CCSER1: variants seen among roughly 807,000 people sequenced by gnomAD.
CCSER1 encodes the protein serine-rich coiled-coil domain-containing protein 1.
A neutral mutation model predicts 82.0 loss-of-function variants in CCSER1; 41 were observed. That is an observed-to-expected ratio of 0.50 (90% CI 0.39 to 0.65). The LOEUF is 0.65. Among genes scored for constraint, CCSER1 ranks in the 30% least tolerant of loss-of-function variants. CCSER1 has a pLI of 0.00. For missense variants in CCSER1, 1,119 were observed against 1,064.2 expected (o/e 1.05, Z -0.72); for synonymous variants, 414 against 383.9 (o/e 1.08, Z -0.92).
intron 6 of CCSER1, among the ~76,000 whole-genome samples, chr4:90,675,363 GA>G (rs1479008025): frequency 6.6e-6 from 1 of 151,664 alleles, no homozygotes; most frequent in Admixed American, 6.6e-5. Context: ...AAGGATGCAA[GA>G]AAAAAATATT....
intron 8 of CCSER1, among the ~76,000 whole-genome samples, chr4:90,841,321 G>A (rs1156804723): frequency 6.6e-6 from 1 of 152,172 alleles, no homozygotes; most frequent in Non-Finnish European, 1.5e-5. Context: ...GCTCACGCCT[G>A]TCATCCCAGC....
intron 8 of CCSER1, among the ~76,000 whole-genome samples, chr4:90,901,205 A>G (rs1724604615): frequency 6.6e-6 from 1 of 151,870 alleles, no homozygotes; most frequent in Non-Finnish European, 1.5e-5. Flanking sequence ...ATGTCTCTTG[A>G]ACGCAGTAGA....
At chr4:90,943,960 G>T (rs112383991) in intron 9 of CCSER1, among the ~76,000 whole-genome samples, 6 of 151,718 alleles carry the variant, frequency 4.0e-5, no homozygotes, top group Admixed American at 3.3e-4. Context: ...TCAGGCCGGC[G>T]TTGTGGCTCA....
At chr4:91,155,544 C>A (rs1449780451) in intron 10 of CCSER1, among the ~76,000 whole-genome samples, 2 of 151,920 alleles carry the variant, frequency 1.3e-5, no homozygotes, top group African/African-American at 2.4e-5. Flanking sequence ...AAATAAAATA[C>A]AATTTGGGAG....
intron 9 of CCSER1, among the ~76,000 whole-genome samples, chr4:91,043,261 TAAA>T (rs1458693675): frequency 6.6e-6 from 1 of 151,344 alleles, no homozygotes; most frequent in African/African-American, 2.4e-5. Context: ...CATAGAAAAA[TAAA>T]AAATATCTTA....
chr4:90,384,305 G>T (rs1443119819), intron 3 of CCSER1, among the ~76,000 whole-genome samples: 1 of 108,910 alleles, frequency 9.2e-6, no homozygotes, highest in Non-Finnish European at 1.7e-5. Context: ...CCCACCCTTT[G>T]TAGGGACATG....
At chr4:90,206,067 GTCTATTTGATTCTTCTC>G (rs140469905) in intron 1 of CCSER1, among the ~76,000 whole-genome samples, 7,140 of 151,946 alleles carry the variant, frequency 0.047, 395 homozygotes, top group East Asian at 0.25. Flanking sequence ...TTTTTATTGT[GTCTATTTGATTCTTCTC>G]TCTTTTCTTC....
intron 10 of CCSER1, among the ~76,000 whole-genome samples, chr4:91,197,703 T>C (rs964143224): frequency 3.3e-5 from 5 of 152,196 alleles, no homozygotes; most frequent in African/African-American, 1.2e-4. Context: ...ATTACAAATA[T>C]ATTACATATT....
intron 3 of CCSER1, among the ~76,000 whole-genome samples, chr4:90,345,178 A>G (rs1742106682): frequency 6.6e-6 from 1 of 152,166 alleles, no homozygotes; most frequent in African/African-American, 2.4e-5. Context: ...CCTTTAATAC[A>G]AACATTTAAC....
chr4:90,873,813 C>G (rs1413937594), intron 8 of CCSER1, among the ~76,000 whole-genome samples: 2 of 152,030 alleles, frequency 1.3e-5, no homozygotes, highest in Non-Finnish European at 2.9e-5. Flanking sequence ...ATGCCTTGAC[C>G]TTCTTATACT....
chr4:90,421,816 A>T (rs1294172277), intron 4 of CCSER1, among the ~76,000 whole-genome samples: 2 of 152,144 alleles, frequency 1.3e-5, no homozygotes, highest in Non-Finnish European at 2.9e-5. Flanking sequence ...CTCTCTGTTG[A>T]TGCTTTTTAT....
intron 8 of CCSER1, among the ~76,000 whole-genome samples, chr4:90,879,684 G>A (rs962222700): frequency 4.6e-5 from 7 of 151,774 alleles, no homozygotes; most frequent in Non-Finnish European, 1.0e-4. Context: ...GAAAGAAGAA[G>A]AAGAGGAAGA....
intron 10 of CCSER1, among the ~76,000 whole-genome samples, chr4:91,236,094 G>A (rs866474025): frequency 3.3e-5 from 5 of 152,128 alleles, no homozygotes; most frequent in African/African-American, 9.7e-5. Flanking sequence ...TAATGCACAC[G>A]TCTCTTACAA....
intron 10 of CCSER1, among the ~76,000 whole-genome samples, chr4:91,495,523 TA>T (rs564113241): frequency 2.7e-5 from 4 of 149,950 alleles, no homozygotes; most frequent in South Asian, 2.1e-4. Context: ...AATTTAAACT[TA>T]AAAAAAAAGC....
intron 7 of CCSER1, chr4:90,724,726 C>A: frequency 3.0e-6 from 1 of 331,700 alleles, no homozygotes. Flanking sequence ...TACTTAAGTG[C>A]ACTGATTTCA....
chr4:90,824,313 A>T (rs1201585801), intron 8 of CCSER1, among the ~76,000 whole-genome samples: 2 of 152,106 alleles, frequency 1.3e-5, no homozygotes, highest in African/African-American at 4.8e-5. Flanking sequence ...TTCTCGGCTC[A>T]TTTGTTAACA....
chr4:91,252,961 T>G, intron 10 of CCSER1, among the ~76,000 whole-genome samples: 1 of 152,088 alleles, frequency 6.6e-6, no homozygotes, highest in East Asian at 1.9e-4. Context: ...AGTAACTATG[T>G]TAAGTGTAAA....
At chr4:91,538,698 C>CATATATTATATATATATATATATGATAT in intron 10 of CCSER1, among the ~76,000 whole-genome samples, 14 of 138,340 alleles carry the variant, frequency 1.0e-4, no homozygotes, top group Non-Finnish European at 2.0e-4. Context: ...TATATATACA[C>CATATATTATATATATATATATATGATAT]ATATATATAT....
chr4:90,826,845 T>C (rs1760527346), intron 8 of CCSER1, among the ~76,000 whole-genome samples: 1 of 152,244 alleles, frequency 6.6e-6, no homozygotes, highest in South Asian at 2.1e-4. Flanking sequence ...CTACTATTTA[T>C]GGATTGGTTA....
Sources: allele counts gnomAD v4.1 joint callset (sites outside exome capture counted in the v4.1 genomes callset), GRCh38; gene constraint gnomAD v4.1.1; transcripts MANE v1.5; gene names NCBI Gene and HGNC (gene_info 2026-07-23, HGNC 2026-07-21).